Variants in TSN observed in about 807,000 individuals in gnomAD.
TSN encodes translin, also known as component 3 of promoter of RISC.
TSN carries 5 observed loss-of-function variants against 29.4 expected under a neutral mutation model. The observed-to-expected ratio is 0.17, with a 90% CI of 0.09 to 0.36. The LOEUF is 0.36. Ranked by LOEUF, TSN falls within the 10% of genes least tolerant of loss-of-function variation. TSN has a pLI of 1.00. For synonymous variants in TSN, 106 were observed against 102.2 expected (o/e 1.04, Z -0.23); for missense variants, 159 against 272.8 (o/e 0.58, Z 2.94).
chr2:121,755,972 A>G (rs1403941684), intron 1 of TSN, 127 bp downstream of exon 1: 1 of 1,516,932 alleles, frequency 6.6e-7, no homozygotes, highest in Non-Finnish European at 8.8e-7. Flanking sequence ...CTTCCCCTCT[A>G]GCTTTAGGTT....
chr2:121,762,073 A>G (rs2074838759), intron 4 of TSN, among the ~76,000 whole-genome samples: 1 of 150,844 alleles, frequency 6.6e-6, no homozygotes, highest in Non-Finnish European at 1.5e-5. Flanking sequence ...GCTCACCACA[A>G]CCTCCACCTC....
chr2:121,758,662 T>C, intron 2 of TSN, 48 bp from the exon 3 acceptor site: 1 of 1,399,070 alleles, frequency 7.1e-7, no homozygotes, highest in Non-Finnish European at 9.7e-7. Context: ...GCAAGAACTG[T>C]ATTTGAAATT....
chr2:121,758,885 A>T, intron 3 of TSN, 79 bp downstream of exon 3: 1 of 938,308 alleles, frequency 1.1e-6, no homozygotes, highest in Non-Finnish European at 1.5e-6. Flanking sequence ...ATGATTGCTT[A>T]CAACTAGGCA....
chr2:121,759,910 C>T (rs1322954538), intron 3 of TSN, among the ~76,000 whole-genome samples: 2 of 152,072 alleles, frequency 1.3e-5, no homozygotes, highest in Non-Finnish European at 2.9e-5. Flanking sequence ...AAAAGAAAAT[C>T]CCAGATAAGA....
intron 2 of TSN, among the ~76,000 whole-genome samples, chr2:121,758,014 T>C (rs1325853771): frequency 6.6e-6 from 1 of 151,906 alleles, no homozygotes; most frequent in Non-Finnish European, 1.5e-5. Flanking sequence ...TATTTGGCCC[T>C]TTGTGTGTGT....
At chr2:121,762,154 G>T (rs550463350) in intron 4 of TSN, among the ~76,000 whole-genome samples, 5 of 151,906 alleles carry the variant, frequency 3.3e-5, no homozygotes, top group African/African-American at 7.3e-5. Flanking sequence ...CACCACACCC[G>T]GCTAATTTTG....
chr2:121,761,272 CTT>C (rs2074824326), intron 3 of TSN, 135 bp from the exon 4 acceptor site: 2 of 627,718 alleles, frequency 3.2e-6, no homozygotes, highest in Admixed American at 5.7e-5. Context: ...TCATATTTCT[CTT>C]TATATATTGG....
At position 121,765,198 on chromosome 2, in the gene TSN, T is replaced by C; in HGVS notation, c.518T>C (p.Phe173Ser). The C allele has an allele frequency of 6.2e-7, 1 of 1,614,214 alleles. No individual in the cohort carries two copies. The highest frequency in any genetic ancestry group is 8.5e-7 in the Non-Finnish European group (1 of 1,180,050). The change falls in exon 6 of 6, where the codon TTC (phenylalanine) becomes TCC (serine). Residue 173 changes from phenylalanine (F) to serine (S), a missense_variant. Coordinates refer to ENST00000389682, the MANE Select transcript of TSN (RefSeq NM_004622.3). ...DYSRPLHIST[F>S]INELDSGFRL... Reference sequence around the variant, plus strand: ...TCCCGACCCCTCCACATCTCCACCTTCATCAATGAGCTGGATTCCGGTTTT... The same window carrying C: ...TCCCGACCCCTCCACATCTCCACCTCCATCAATGAGCTGGATTCCGGTTTT...
chr2:121,762,907 C>G, intron 4 of TSN, 98 bp from the exon 5 acceptor site: 1 of 1,115,904 alleles, frequency 9.0e-7, no homozygotes, highest in South Asian at 1.7e-5. Context: ...AAGATTCATC[C>G]TTTCTTCACT....
chr2:121,756,083 T>C lies in TSN; in HGVS notation c.66+238T>C, dbSNP rs1271288381. On this transcript the variant is annotated intron_variant, in intron 1 of 5. Coordinates refer to ENST00000389682, the MANE Select transcript of TSN (RefSeq NM_004622.3). ...TCACTTGCCTCGTTTGTGTCAGTTT[T>C]CCTTCTTTTCAGCACTTGTTTATAT... is the stretch of plus-strand genomic sequence containing the variant. 3.6e-6 allele frequency: 3 copies of C among 823,586 alleles called. No individual in the cohort carries two copies. In the African/African-American group the frequency reaches 5.2e-5, roughly 14 times the overall value. The allele number at this position is 823,586 out of a possible 1,614,324, so 51.0% of individuals were successfully genotyped here.
intron 2 of TSN, chr2:121,757,650 A>C: frequency 4.3e-6 from 1 of 234,600 alleles, no homozygotes; most frequent in Non-Finnish European, 8.3e-6. Flanking sequence ...GTTTATTATT[A>C]TTTTTTTAAT....
At chr2:121,759,746 C>T (rs1052604262) in intron 3 of TSN, among the ~76,000 whole-genome samples, 23 of 151,992 alleles carry the variant, frequency 1.5e-4, no homozygotes, top group African/African-American at 1.9e-4. Flanking sequence ...TCTTTTAAGA[C>T]GTATATATCA....
Position 121,765,700 on chromosome 2 carries a change from T to G in TSN, c.*333T>G. ...TGTACTGATTGAGAAGTTCATTGTCTCGTTTGTGATTCTTCCAGATGTGAT... is the reference window on the plus strand; with the variant it reads ...TGTACTGATTGAGAAGTTCATTGTCGCGTTTGTGATTCTTCCAGATGTGAT... On this transcript the variant is annotated 3_prime_UTR_variant, in exon 6 of 6. Transcript: ENST00000389682. 1 of 274,416 alleles carries G rather than the reference T, an allele frequency of 3.6e-6. No homozygotes were observed. The highest frequency in any genetic ancestry group is 6.9e-6 in the Non-Finnish European group (1 of 144,396). The allele number at this position is 274,416 out of a possible 1,614,324, so 17.0% of individuals were successfully genotyped here.
At chr2:121,759,317 G>A (rs538415278) in intron 3 of TSN, among the ~76,000 whole-genome samples, 13 of 152,226 alleles carry the variant, frequency 8.5e-5, no homozygotes, top group Admixed American at 3.3e-4. Flanking sequence ...AGTCATAAAT[G>A]TGAAACATGG....
Position 121,757,274 on chromosome 2 carries a change from C to G in TSN, c.101C>G (p.Thr34Arg). The G allele has an allele frequency of 6.2e-7, 1 of 1,614,070 alleles. No individual in the cohort carries two copies. Among genetic ancestry groups the G allele is most frequent in the South Asian group, 1.1e-5 (1 of 91,068 alleles). Residue 34 changes from threonine to arginine, a missense_variant, in exon 2 of 6, where the codon ACA becomes AGA. Coordinates refer to ENST00000389682, the MANE Select transcript of TSN (RefSeq NM_004622.3). The stretch of plus-strand genomic sequence containing the variant: ...AAAGTTGTACAGAGTTTAGAACAAA[C>G]AGCTCGAGAGATTTTAACTCTACTG... The part of the protein sequence containing the change: ...IRKVVQSLEQ[T>R]AREILTLLQG...
intron 5 of TSN, 114 bp downstream of exon 5, chr2:121,763,198 A>G (rs2074855052): frequency 1.4e-6 from 1 of 706,310 alleles, no homozygotes; most frequent in Admixed American, 4.3e-5. Context: ...GCTGGAGTGC[A>G]GTGGCGCAAT....
chr2:121,762,254 AGTGCT>A, intron 4 of TSN, among the ~76,000 whole-genome samples: 1 of 152,176 alleles, frequency 6.6e-6, no homozygotes, highest in East Asian at 1.9e-4. Context: ...AGCCTCCCAA[AGTGCT>A]GGGATTACAG....
chr2:121,756,600 G>T, intron 1 of TSN: 1 of 1,295,972 alleles, frequency 7.7e-7, no homozygotes, highest in African/African-American at 1.5e-5. Flanking sequence ...TATGCTCAGT[G>T]AATATTTTAA....
chr2:121,755,881 C>G, intron 1 of TSN, 36 bp downstream of exon 1: 2 of 1,613,368 alleles, frequency 1.2e-6, no homozygotes, highest in Non-Finnish European at 1.7e-6. Context: ...CTTTGCCTTT[C>G]CATGCCTAGT....
Sources: allele counts gnomAD v4.1 joint callset (sites outside exome capture counted in the v4.1 genomes callset), GRCh38; gene constraint gnomAD v4.1.1; transcripts MANE v1.5; gene names NCBI Gene and HGNC (gene_info 2026-07-23, HGNC 2026-07-21).